Variants in ACO2 observed in about 807,000 individuals in gnomAD.
ACO2 encodes the protein aconitase 2.
ACO2 carries 31 observed loss-of-function variants against 84.5 expected under a neutral mutation model. The observed-to-expected ratio is 0.37, with a 90% CI of 0.28 to 0.50. The LOEUF (loss-of-function observed/expected upper bound fraction) is 0.50, where lower values mean the gene tolerates loss of function less well. Ranked by LOEUF, ACO2 falls within the 20% of genes least tolerant of loss-of-function variation. The pLI, the probability that ACO2 is intolerant of heterozygous loss-of-function variation, is 0.97. For synonymous variants in ACO2, 414 were observed against 412.7 expected, an observed-to-expected ratio of 1.00 and a Z score of -0.04; for missense variants, 685 against 1,029.3, an observed-to-expected ratio of 0.67 and a Z score of 4.58.
intron 13 of ACO2, 47 bp downstream of exon 13, chr22:41,525,015 ACTTC>A: frequency 6.2e-7 from 1 of 1,613,720 alleles, no homozygotes; most frequent in South Asian, 1.1e-5. Context: ...TGGCCACGTC[ACTTC>A]CTTCTCAACC....
chr22:41,472,310 G>A (rs1192100703), intron 1 of ACO2, among the ~76,000 whole-genome samples: 1 of 150,176 alleles, frequency 6.7e-6, no homozygotes, highest in Admixed American at 6.7e-5. Context: ...CCGAGATCGC[G>A]CCACTGCACT....
At chr22:41,511,507 G>C (rs1013654916) in intron 3 of ACO2, among the ~76,000 whole-genome samples, 4 of 152,220 alleles carry the variant, frequency 2.6e-5, no homozygotes, top group African/African-American at 9.6e-5. Flanking sequence ...CTGCACTGCT[G>C]GCCTCATCTG....
chr22:41,498,209 G>C (rs186651879), intron 1 of ACO2, among the ~76,000 whole-genome samples: 1 of 152,228 alleles, frequency 6.6e-6, no homozygotes, highest in East Asian at 1.9e-4. Flanking sequence ...CTACCGAGGA[G>C]GCTAAGATGG....
chr22:41,510,821 A>G (rs1319581786), intron 3 of ACO2, among the ~76,000 whole-genome samples: 1 of 152,196 alleles, frequency 6.6e-6, no homozygotes, highest in Non-Finnish European at 1.5e-5. Flanking sequence ...AGCCCGTGTC[A>G]TCATTTCGTT....
rs371183037 is a variant in ACO2, at chr22:41,526,398, G to A, written c.1898G>A (p.Arg633His). 9.9e-6 allele frequency: 16 copies of A among 1,613,712 alleles called. No individual in the cohort carries two copies. Among genetic ancestry groups the A allele is most frequent in the African/African-American group, 4.0e-5 (3 of 74,926 alleles). Residue 633 changes from arginine (R) to histidine (H), a missense_variant, in exon 15 of 18, where the codon CGC (arginine) becomes CAC (histidine). Around this residue, in one of 5 missense-constraint regions of ACO2, gnomAD observed 174 missense variants for 236.6 expected, o/e 0.74. Transcript: ENST00000216254. ...NIENGKANSV[R>H]NAVTQEFGPV... is the part of the protein sequence containing the mutation. The stretch of plus-strand genomic sequence containing the variant: ...GAAAACGGCAAGGCCAACTCCGTGC[G>A]CAATGCCGTCACTCAGGAGTTTGGC...
At chr22:41,472,592 A>G (rs2037959428) in intron 1 of ACO2, among the ~76,000 whole-genome samples, 2 of 152,054 alleles carry the variant, frequency 1.3e-5, no homozygotes, top group African/African-American at 4.8e-5. Context: ...AAATAAGAAA[A>G]TAGAACGTGG....
chr22:41,483,330 C>T (rs1885285570), intron 1 of ACO2, among the ~76,000 whole-genome samples: 1 of 152,102 alleles, frequency 6.6e-6, no homozygotes, highest in Admixed American at 6.6e-5. Flanking sequence ...CTTTTGGAAT[C>T]AGGAAATAAA....
rs764145213 is a variant in ACO2 at position 41,507,830 on chromosome 22, T to C, written c.213T>C (p.Tyr71=). ...RPLTLSEKIV[Y]GHLDDPASQE... ...TGACACTCTCGGAGAAGATTGTGTA[T>C]GGACACCTGGATGACCCCGCCAGCC... Residue 71 remains tyrosine, a synonymous_variant, in exon 3 of 18, where the codon TAT becomes TAC. Transcript: ENST00000216254. 6.2e-7 allele frequency: 1 copy of C among 1,614,188 alleles called. No homozygotes were observed. Among genetic ancestry groups the C allele is most frequent in the South Asian group, 1.1e-5 (1 of 91,076 alleles).
chr22:41,486,131 A>G, intron 1 of ACO2, among the ~76,000 whole-genome samples: 1 of 151,946 alleles, frequency 6.6e-6, no homozygotes, highest in East Asian at 1.9e-4. Context: ...CTTCTTTCAA[A>G]GGTTACAGTG....
chr22:41,526,315 G>T lies in ACO2; in HGVS notation c.1815G>T (p.Lys605Asn). Residue 605 changes from lysine to asparagine, a missense_variant, in exon 15 of 18, where the codon AAG becomes AAT. Physicochemically the swap from Lys to Asn is moderately conservative, Grantham distance 94. This residue lies in a region of ACO2 where 174 missense variants were observed against 236.6 expected (regional missense o/e 0.74). Coordinates refer to ENST00000216254, the MANE Select transcript of ACO2 (RefSeq NM_001098.3). The part of the protein sequence containing the change: ...DHISAAGPWL[K>N]FRGHLDNISN... Reference sequence around the variant, plus strand: ...TCTCAGCTGCTGGCCCCTGGCTCAAGTTCCGTGGGCACTTGGATAACATCT... The same window carrying T: ...TCTCAGCTGCTGGCCCCTGGCTCAATTTCCGTGGGCACTTGGATAACATCT... The T allele has an allele frequency of 6.2e-7, 1 of 1,612,860 alleles. No homozygotes were observed. Among genetic ancestry groups the T allele is most frequent in the Non-Finnish European group, 8.5e-7 (1 of 1,180,032 alleles).
chr22:41,474,161 A>G lies in ACO2; in HGVS notation c.36+4979A>G, dbSNP rs115664329. On this transcript the variant is annotated intron_variant, in intron 1 of 17. Transcript: ENST00000216254. ...ATAATGAGATGTATTCAAAATTGGG[A>G]TATATTTGGAGGCAGATGGGTTGGC... is the stretch of plus-strand genomic sequence containing the variant. 5.4e-3 allele frequency among the ~76,000 whole-genome samples: 822 copies of G among 151,818 alleles called. 12 individuals are homozygous for G. Among genetic ancestry groups the G allele is most frequent in the African/African-American group, 0.019 (791 of 41,360 alleles).
intron 2 of ACO2, among the ~76,000 whole-genome samples, chr22:41,506,308 A>G (rs577114520): frequency 4.6e-5 from 7 of 151,264 alleles, no homozygotes; most frequent in Non-Finnish European, 1.0e-4. Context: ...GCTGGAGTGC[A>G]GTGGCGCTAT....
rs756589026 is a variant in ACO2, at chr22:41,517,512, T to A, written c.836-15T>A. 1.2e-6 allele frequency: 2 copies of A among 1,611,804 alleles called. No individual in the cohort carries two copies. On this transcript the variant is annotated splice_polypyrimidine_tract_variant and intron_variant, in intron 6 of 17. Transcript: ENST00000216254. ...CCGGCCACCAGCCAATGCCCGGGGCTCTGTTGCTCCACAGGCATGGCGACA... is the reference window on the plus strand; with the variant it reads ...CCGGCCACCAGCCAATGCCCGGGGCACTGTTGCTCCACAGGCATGGCGACA...
intron 1 of ACO2, among the ~76,000 whole-genome samples, chr22:41,495,108 T>C (rs1190668651): frequency 6.6e-6 from 1 of 151,730 alleles, no homozygotes; most frequent in African/African-American, 2.4e-5. Context: ...CTCACTGCAG[T>C]CTGGAACTCA....
At chr22:41,492,852 A>G (rs1413518453) in intron 1 of ACO2, among the ~76,000 whole-genome samples, 1 of 152,038 alleles carries the variant, frequency 6.6e-6, no homozygotes, top group Non-Finnish European at 1.5e-5. Flanking sequence ...GCTGAGGCGG[A>G]AGAATATCTT....
chr22:41,518,076 C>T (rs1455695252), intron 7 of ACO2, among the ~76,000 whole-genome samples: 4 of 152,242 alleles, frequency 2.6e-5, no homozygotes, highest in Admixed American at 2.0e-4. Context: ...CTTTGGAGCT[C>T]AGAGGGCATT....
intron 3 of ACO2, among the ~76,000 whole-genome samples, chr22:41,510,709 T>C (rs2066427189): frequency 6.6e-6 from 1 of 152,172 alleles, no homozygotes; most frequent in East Asian, 1.9e-4. Context: ...CACAGGGACC[T>C]CCCATGTCTT....
chr22:41,488,180 C>T (rs144846626), intron 1 of ACO2, among the ~76,000 whole-genome samples: 199 of 152,288 alleles, frequency 1.3e-3, no homozygotes, highest in African/African-American at 2.0e-3. Flanking sequence ...GTAATCCTGA[C>T]GGTAGGGGCC....
chr22:41,522,647 G>A (rs1325888846), intron 9 of ACO2, among the ~76,000 whole-genome samples, 183 bp from the exon 10 acceptor site: 1 of 144,682 alleles, frequency 6.9e-6, no homozygotes, highest in South Asian at 2.4e-4. Context: ...GCCACGTCAT[G>A]AGTTAGCCTG....
Sources: gnomAD v4.1 joint callset for allele counts (sites outside exome capture counted in the v4.1 genomes callset) on GRCh38, gnomAD v4.1.1 for gene constraint, gnomAD v4.1.1 regional missense constraint, MANE v1.5 for transcripts, NCBI Gene and HGNC (gene_info 2026-07-23, HGNC 2026-07-21) for gene names.